Variants in FUT8 observed in about 807,000 individuals in gnomAD.
The protein encoded by FUT8 is fucosyltransferase 8, also known as alpha-(1,6)-fucosyltransferase.
A neutral mutation model predicts 71.3 loss-of-function variants in FUT8; 29 were observed. The ratio of observed to expected loss-of-function variants is 0.41; its 90% CI spans 0.30 to 0.55. The LOEUF (loss-of-function observed/expected upper bound fraction) is 0.55. FUT8 is among the 20% of genes least tolerant of loss of function. The pLI is 0.34. For missense variants in FUT8, 544 were observed against 702.1 expected (o/e 0.77, Z 2.55); for synonymous variants, 254 against 239.3 (o/e 1.06, Z -0.57).
chr14:65,454,783 G>T (rs1251661844), intron 1 of FUT8, among the ~76,000 whole-genome samples: 1 of 152,184 alleles, frequency 6.6e-6, no homozygotes, highest in African/African-American at 2.4e-5. Flanking sequence ...CACACTCAGT[G>T]AACATTTGAT....
At chr14:65,477,792 G>A (rs564687236) in intron 2 of FUT8, among the ~76,000 whole-genome samples, 27 of 151,870 alleles carry the variant, frequency 1.8e-4, no homozygotes, top group African/African-American at 6.5e-4. Context: ...CTCATTTGGT[G>A]TCAAGTCAGA....
At chr14:65,635,764 A>G (rs1239059090) in intron 6 of FUT8, among the ~76,000 whole-genome samples, 1 of 152,082 alleles carries the variant, frequency 6.6e-6, no homozygotes, top group East Asian at 1.9e-4. Flanking sequence ...TTTAGTGTCT[A>G]TTTTCATCAG....
chr14:65,548,416 T>A (rs112746321), intron 2 of FUT8, among the ~76,000 whole-genome samples: 14 of 152,244 alleles, frequency 9.2e-5, no homozygotes, highest in African/African-American at 3.4e-4. Context: ...TTATTTCTTT[T>A]TATTACTAAC....
intron 2 of FUT8, among the ~76,000 whole-genome samples, chr14:65,519,067 G>A (rs936268225): frequency 2.0e-4 from 30 of 152,182 alleles, no homozygotes; most frequent in African/African-American, 4.1e-4. Context: ...GGGAATTTAG[G>A]TTGTCTAGAA....
intron 7 of FUT8, among the ~76,000 whole-genome samples, chr14:65,677,110 ATATT>A (rs1239237068): frequency 1.1e-5 from 1 of 94,912 alleles, no homozygotes; most frequent in Non-Finnish European, 2.3e-5. Context: ...AAAGAAAGAC[ATATT>A]TGTGTGTGTG....
chr14:65,713,775 A>G (rs930803331), intron 7 of FUT8, among the ~76,000 whole-genome samples: 2 of 151,922 alleles, frequency 1.3e-5, no homozygotes, highest in Non-Finnish European at 2.9e-5. Context: ...TATTCTCGTT[A>G]TTTATCTCTT....
intron 7 of FUT8, among the ~76,000 whole-genome samples, chr14:65,712,208 G>A (rs550214988): frequency 3.3e-5 from 5 of 152,178 alleles, no homozygotes; most frequent in South Asian, 2.1e-4. Flanking sequence ...CTATGTGGTC[G>A]TGAATATGTA....
At chr14:65,553,159 G>A (rs1201694094) in intron 2 of FUT8, among the ~76,000 whole-genome samples, 1 of 152,022 alleles carries the variant, frequency 6.6e-6, no homozygotes, top group Non-Finnish European at 1.5e-5. Flanking sequence ...TGCTCAGGCT[G>A]GGGAAATAAA....
chr14:65,596,724 C>T (rs978331518), intron 3 of FUT8, among the ~76,000 whole-genome samples: 1 of 149,114 alleles, frequency 6.7e-6, no homozygotes, highest in Non-Finnish European at 1.5e-5. Context: ...TGATATAACA[C>T]TTTTTTTTTT....
At chr14:65,728,746 G>C (rs926390071) in intron 9 of FUT8, among the ~76,000 whole-genome samples, 1 of 152,106 alleles carries the variant, frequency 6.6e-6, no homozygotes, top group South Asian at 2.1e-4. Context: ...ATAGCTTGCT[G>C]TACAGGTTTG....
At chr14:65,362,224 C>G in the FUT8 span, among the ~76,000 whole-genome samples, 1 of 152,202 alleles carries the variant, frequency 6.6e-6, no homozygotes, top group African/African-American at 2.4e-5. Flanking sequence ...CCTGCCAAAG[C>G]TTGAAATAGT....
intron 1 of FUT8, among the ~76,000 whole-genome samples, chr14:65,426,970 T>G (rs2065398572): frequency 6.6e-6 from 1 of 152,086 alleles, no homozygotes; most frequent in Admixed American, 6.6e-5. Flanking sequence ...GCCATTCTCT[T>G]GCCTCAGCCT....
chr14:65,537,820 G>C (rs1884431692), intron 2 of FUT8, among the ~76,000 whole-genome samples: 1 of 152,194 alleles, frequency 6.6e-6, no homozygotes, highest in Non-Finnish European at 1.5e-5. Context: ...TTTGATTGTG[G>C]TATAACATGG....
At chr14:65,421,680 T>C (rs890385781) in intron 1 of FUT8, among the ~76,000 whole-genome samples, 1 of 151,930 alleles carries the variant, frequency 6.6e-6, no homozygotes, top group African/African-American at 2.4e-5. Flanking sequence ...TAAATTCCTC[T>C]TGTGTGATGT....
At chr14:65,624,691 A>T (rs1249162667) in intron 5 of FUT8, among the ~76,000 whole-genome samples, 2 of 152,374 alleles carry the variant, frequency 1.3e-5, no homozygotes, top group East Asian at 3.8e-4. Context: ...AACTGAGAGC[A>T]TATTGAATTT....
At chr14:65,525,936 A>G (rs1883436008) in intron 2 of FUT8, among the ~76,000 whole-genome samples, 1 of 152,200 alleles carries the variant, frequency 6.6e-6, no homozygotes, top group African/African-American at 2.4e-5. Context: ...ACAGTTTGTT[A>G]TAATTTCTGT....
At chr14:65,438,026 T>C (rs904468179) in intron 1 of FUT8, among the ~76,000 whole-genome samples, 1 of 152,252 alleles carries the variant, frequency 6.6e-6, no homozygotes, top group African/African-American at 2.4e-5. Flanking sequence ...TGACCCAAAC[T>C]ATTTTGGCTC....
At chr14:65,431,641 T>C (rs1455871795) in intron 1 of FUT8, among the ~76,000 whole-genome samples, 1 of 138,396 alleles carries the variant, frequency 7.2e-6, no homozygotes, top group Non-Finnish European at 1.5e-5. Flanking sequence ...AGTGTACTGC[T>C]CTTAGACTTT....
At chr14:65,381,099 A>C in the FUT8 span, among the ~76,000 whole-genome samples, 1 of 152,232 alleles carries the variant, frequency 6.6e-6, no homozygotes, top group Non-Finnish European at 1.5e-5. Flanking sequence ...GAACTTAAAA[A>C]TATGCAGGTT....
Sources: allele counts gnomAD v4.1 joint callset (sites outside exome capture counted in the v4.1 genomes callset), GRCh38; gene constraint gnomAD v4.1.1; transcripts MANE v1.5; gene names NCBI Gene and HGNC (gene_info 2026-07-23, HGNC 2026-07-21).